The following DMXL2 variants were observed in gnomAD, a reference collection of about 807,000 sequenced individuals.
The protein encoded by DMXL2 is dmX-like protein 2.
A neutral mutation model predicts 331.1 loss-of-function variants in DMXL2; 103 were observed. The ratio of observed to expected loss-of-function variants is 0.31; its 90% confidence interval spans 0.27 to 0.37. The LOEUF (loss-of-function observed/expected upper bound fraction) is 0.37, where lower values mean the gene tolerates loss of function less well. Among genes scored for constraint, DMXL2 ranks in the 10% least tolerant of loss-of-function variants. The probability of loss-of-function intolerance (pLI) is 1.00; values close to 1 mark genes in which losing one functional copy is unlikely to be tolerated. For synonymous variants in DMXL2, 1,281 were observed against 1,252.1 expected (o/e 1.02, Z -0.49); for missense variants, 3,171 against 3,642.9 (o/e 0.87, Z 3.33).
chr15:51,532,038 C>T (rs560721232), intron 13 of DMXL2, among the ~76,000 whole-genome samples: 6 of 152,064 alleles, frequency 3.9e-5, no homozygotes, highest in Non-Finnish European at 5.9e-5. Flanking sequence ...CCCAAAAGAA[C>T]GAAAATTGGT....
rs775401039 is a variant in DMXL2 at position 51,538,228 on chromosome 15, T to C, written c.1330A>G (p.Met444Val). The C allele has an allele frequency of 2.5e-6, 4 of 1,612,768 alleles. No individual in the cohort carries two copies. Among genetic ancestry groups the C allele is most frequent in the Admixed American group, 3.3e-5 (2 of 59,922 alleles). Reference sequence around the variant, plus strand: ...GGATACTAACCATGGTCTAATTTCATATGTAAACCCCGTTCTCTATCCTCC... The same window carrying C: ...GGATACTAACCATGGTCTAATTTCACATGTAAACCCCGTTCTCTATCCTCC... Reference protein sequence around the residue: ...SQEDRERGLHMKLDHDLSLDR... With the variant: ...SQEDRERGLHVKLDHDLSLDR... The change falls in exon 10 of 44, where the codon ATG becomes GTG. Residue 444 changes from methionine to valine, a missense_variant. Met to Val is a conservative substitution (Grantham distance 21). Coordinates refer to ENST00000560891, the MANE Select transcript of DMXL2 (RefSeq NM_001378457.1).
Position 51,480,572 on chromosome 15 carries a change from T to G in DMXL2, c.6534A>C (p.Glu2178Asp), listed in dbSNP as rs766120225. ...GTGATTCTTGTAGCAAAAATTTGAG[T>G]TCCATCCTTACTGAAGCCAAACCAC... is the stretch of plus-strand genomic sequence containing the variant. ...QGGGLASVRM[E>D]LKFLLQESQQ... Residue 2178 changes from glutamate to aspartate, a missense_variant, in exon 24 of 44, where the codon GAA becomes GAC. Glu to Asp is a conservative substitution (Grantham distance 45). Coordinates refer to ENST00000560891, the MANE Select transcript of DMXL2 (RefSeq NM_001378457.1). The G allele has an allele frequency of 6.5e-7, 1 of 1,535,928 alleles. No individual in the cohort carries two copies. Among genetic ancestry groups the G allele is most frequent in the Non-Finnish European group, 8.8e-7 (1 of 1,139,148 alleles).
At chr15:51,545,296 C>G (rs1657187843) in intron 8 of DMXL2, among the ~76,000 whole-genome samples, 1 of 151,878 alleles carries the variant, frequency 6.6e-6, no homozygotes, top group South Asian at 2.1e-4. Context: ...ATGTGACATG[C>G]AAAACAAAAG....
intron 1 of DMXL2, among the ~76,000 whole-genome samples, chr15:51,611,693 G>T (rs1207081467): frequency 1.3e-5 from 2 of 152,148 alleles, no homozygotes; most frequent in Non-Finnish European, 2.9e-5. Context: ...AAAAGTATTA[G>T]TATCCCCATC....
chr15:51,563,342 T>C (rs1367953264), intron 6 of DMXL2, 39 bp downstream of exon 6: 1 of 1,454,728 alleles, frequency 6.9e-7, no homozygotes, highest in South Asian at 1.2e-5. Flanking sequence ...TTAAATTCTT[T>C]TATTTGTTTA....
At chr15:51,497,803 T>C (rs919600375) in intron 18 of DMXL2, among the ~76,000 whole-genome samples, 3 of 152,196 alleles carry the variant, frequency 2.0e-5, no homozygotes, top group African/African-American at 7.2e-5. Flanking sequence ...TGTAAAAAGT[T>C]GTTTATGGCT....
At chr15:51,497,872 TAG>T (rs1046834678) in intron 18 of DMXL2, among the ~76,000 whole-genome samples, 1 of 152,140 alleles carries the variant, frequency 6.6e-6, no homozygotes, top group Non-Finnish European at 1.5e-5. Context: ...CATGATTCCA[TAG>T]TAACATTAAC....
intron 26 of DMXL2, 44 bp downstream of exon 26, chr15:51,478,227 A>G: frequency 6.7e-7 from 1 of 1,502,896 alleles, no homozygotes. Context: ...GAACAGTTTA[A>G]TGTTTTTGCT....
chr15:51,457,150 C>A (rs547514648), intron 37 of DMXL2, 178 bp downstream of exon 37: 15 of 673,976 alleles, frequency 2.2e-5, no homozygotes, highest in Non-Finnish European at 3.5e-5. Context: ...CCAGCCTGCG[C>A]GACAGAGCCA....
At chr15:51,537,962 CATT>C (rs769438994) in intron 10 of DMXL2, among the ~76,000 whole-genome samples, 14 of 152,190 alleles carry the variant, frequency 9.2e-5, no homozygotes, top group Non-Finnish European at 2.1e-4. Context: ...TTCACCCTAT[CATT>C]ATTACTACCA....
At chr15:51,594,202 A>G (rs1243893243) in intron 1 of DMXL2, among the ~76,000 whole-genome samples, 2 of 152,218 alleles carry the variant, frequency 1.3e-5, no homozygotes, top group Non-Finnish European at 2.9e-5. Flanking sequence ...AGAAGAATCA[A>G]ATAGATGCAA....
intron 1 of DMXL2, among the ~76,000 whole-genome samples, chr15:51,581,820 G>C (rs1421694628): frequency 6.6e-6 from 1 of 152,006 alleles, no homozygotes; most frequent in Non-Finnish European, 1.5e-5. Context: ...TTAACATCCC[G>C]GAAGTTACAG....
At chr15:51,466,676 G>C (rs2040607114) in intron 29 of DMXL2, 1 of 151,992 alleles carries the variant, frequency 6.6e-6, no homozygotes, top group Middle Eastern at 3.4e-3. Context: ...GAGAGCTATT[G>C]TGAAGGAAAT....
chr15:51,458,631 T>A lies in DMXL2; in HGVS notation c.8077-4A>T, dbSNP rs769810365. On this transcript the variant is annotated splice_region_variant and splice_polypyrimidine_tract_variant and intron_variant, in intron 35 of 43. Transcript: ENST00000560891. ...AAACAATTTCATTACAATTTGCCTATAAAGCAAAGGCAGAATCGATGATTT... is the reference window on the plus strand; with the variant it reads ...AAACAATTTCATTACAATTTGCCTAAAAAGCAAAGGCAGAATCGATGATTT... The A allele has an allele frequency of 1.8e-5, 29 of 1,613,868 alleles. No individual in the cohort carries two copies. Among genetic ancestry groups the A allele is most frequent in the Non-Finnish European group, 2.5e-5 (29 of 1,179,894 alleles).
At chr15:51,602,522 A>G (rs1324435539) in intron 1 of DMXL2, among the ~76,000 whole-genome samples, 3 of 152,170 alleles carry the variant, frequency 2.0e-5, no homozygotes, top group Non-Finnish European at 4.4e-5. Flanking sequence ...GAAAACCAGA[A>G]AGTACCAGGA....
chr15:51,601,435 G>A (rs1260571088), intron 1 of DMXL2, among the ~76,000 whole-genome samples: 1 of 152,088 alleles, frequency 6.6e-6, no homozygotes, highest in Non-Finnish European at 1.5e-5. Context: ...TCTACTTGGA[G>A]TTAATTTTTA....
At chr15:51,464,587 G>A (rs1469698070) in intron 32 of DMXL2, 88 bp downstream of exon 32, 1 of 1,084,550 alleles carries the variant, frequency 9.2e-7, no homozygotes, top group African/African-American at 1.6e-5. Flanking sequence ...AATTATGAAT[G>A]TTTTAAAGTA....
At chr15:51,601,933 T>C (rs1360937778) in intron 1 of DMXL2, among the ~76,000 whole-genome samples, 1 of 152,222 alleles carries the variant, frequency 6.6e-6, no homozygotes, top group Non-Finnish European at 1.5e-5. Context: ...TTATAGGAGT[T>C]TTACACATAT....
intron 16 of DMXL2, 36 bp from the exon 17 acceptor site, chr15:51,503,069 T>C: frequency 7.5e-7 from 1 of 1,326,286 alleles, no homozygotes; most frequent in Non-Finnish European, 1.1e-6. Context: ...AAAATGTATG[T>C]ATATCATTAC....
Sources: allele counts gnomAD v4.1 joint callset (sites outside exome capture counted in the v4.1 genomes callset), GRCh38; gene constraint gnomAD v4.1.1; transcripts MANE v1.5; gene names NCBI Gene and HGNC (gene_info 2026-07-23, HGNC 2026-07-21).